TRIM2: variants seen among roughly 807,000 people sequenced by gnomAD.
TRIM2 encodes the protein tripartite motif-containing protein 2.
In TRIM2, 20 loss-of-function variants were observed where a neutral mutation model predicts 75.2. The observed-to-expected ratio is 0.27, with a 90% CI of 0.19 to 0.39. The LOEUF (loss-of-function observed/expected upper bound fraction) is 0.39, where lower values mean the gene tolerates loss of function less well. Ranked by LOEUF, TRIM2 falls within the 10% of genes least tolerant of loss-of-function variation. TRIM2 has a pLI of 1.00. For synonymous variants in TRIM2, 373 were observed against 388.3 expected (o/e 0.96, Z 0.46); for missense variants, 660 against 990.8 (o/e 0.67, Z 4.48).
At chr4:153,229,833 A>G (rs1743139870) in intron 1 of TRIM2, among the ~76,000 whole-genome samples, 2 of 152,260 alleles carry the variant, frequency 1.3e-5, no homozygotes, top group South Asian at 4.1e-4. Context: ...CTAAATCTCG[A>G]TAGAACTAAA....
intron 1 of TRIM2, among the ~76,000 whole-genome samples, chr4:153,234,665 G>C (rs1744541659): frequency 6.6e-6 from 1 of 152,174 alleles, no homozygotes; most frequent in East Asian, 1.9e-4. Context: ...ACTCTGTATG[G>C]CTGTTGAGAG....
intron 1 of TRIM2, among the ~76,000 whole-genome samples, chr4:153,174,446 T>C (rs1731210193): frequency 6.6e-6 from 1 of 152,068 alleles, no homozygotes; most frequent in South Asian, 2.1e-4. Context: ...CCGCTGTTAG[T>C]GTGGGGGCTT....
At chr4:153,314,742 CT>C (rs1767221129) in intron 6 of TRIM2, among the ~76,000 whole-genome samples, 1 of 152,088 alleles carries the variant, frequency 6.6e-6, no homozygotes, top group African/African-American at 2.4e-5. Context: ...GATATTGAAT[CT>C]TTGAAAATAA....
intron 1 of TRIM2, among the ~76,000 whole-genome samples, chr4:153,268,737 C>T (rs571752917): frequency 6.6e-6 from 1 of 152,282 alleles, no homozygotes; most frequent in Admixed American, 6.5e-5. Context: ...TTTTTCCTCT[C>T]TTGTGCTCTC....
At chr4:153,221,948 GAAGGAAGGAAA>G in intron 1 of TRIM2, among the ~76,000 whole-genome samples, 6 of 94,568 alleles carry the variant, frequency 6.3e-5, no homozygotes, top group South Asian at 5.1e-4. Flanking sequence ...AAAGAGTGAG[GAAGGAAGGAAA>G]GAGGGAGGAA....
At chr4:153,238,070 T>C (rs768707491) in intron 1 of TRIM2, among the ~76,000 whole-genome samples, 54 of 152,118 alleles carry the variant, frequency 3.5e-4, no homozygotes, top group Non-Finnish European at 5.6e-4. Flanking sequence ...ACCTCTTACC[T>C]CCAAGAAAAA....
At chr4:153,289,536 T>C (rs928551851) in intron 3 of TRIM2, among the ~76,000 whole-genome samples, 4 of 152,228 alleles carry the variant, frequency 2.6e-5, no homozygotes, top group Non-Finnish European at 5.9e-5. Flanking sequence ...AACTCTGGTC[T>C]TGAGGATTTT....
intron 6 of TRIM2, among the ~76,000 whole-genome samples, chr4:153,308,963 A>G (rs1765638515): frequency 1.3e-5 from 2 of 152,084 alleles, no homozygotes; most frequent in South Asian, 4.1e-4. Context: ...TGAGAATCTC[A>G]TCCTTGGGAA....
At chr4:153,261,634 A>G (rs1302198590) in intron 1 of TRIM2, among the ~76,000 whole-genome samples, 1 of 152,160 alleles carries the variant, frequency 6.6e-6, no homozygotes, top group East Asian at 1.9e-4. Flanking sequence ...TTACCCTACC[A>G]CATTCCCTAC....
At chr4:153,177,644 T>TC (rs61641662) in intron 1 of TRIM2, among the ~76,000 whole-genome samples, 1 of 147,962 alleles carries the variant, frequency 6.8e-6, no homozygotes, top group East Asian at 2.0e-4. Flanking sequence ...AGACTCCTTC[T>TC]CCAAAAAAAA....
chr4:153,161,781 A>C (rs1391675130), intron 1 of TRIM2, among the ~76,000 whole-genome samples: 1 of 152,250 alleles, frequency 6.6e-6, no homozygotes, highest in African/African-American at 2.4e-5. Flanking sequence ...ATTATGTCTA[A>C]GACTCACACA....
At chr4:153,181,740 T>C (rs1022792585) in intron 1 of TRIM2, among the ~76,000 whole-genome samples, 17 of 152,168 alleles carry the variant, frequency 1.1e-4, no homozygotes, top group African/African-American at 4.1e-4. Flanking sequence ...ACACCTGGGC[T>C]GGAGGTGGGC....
In TRIM2 at chr4:153,244,603, A is replaced by G. The variant is rs117003824; in HGVS notation, c.31-25732A>G. ...GATGTACAAAAATTTGATTCTTGGA[A>G]TGGATTTATAAGAAAGCTTTGCATT... On this transcript the variant is annotated intron_variant, in intron 1 of 11. Transcript: ENST00000338700. Among the ~76,000 whole-genome samples, 523 of 151,774 alleles carry G rather than the reference A, an allele frequency of 3.4e-3. 12 individuals are homozygous for G. In the East Asian group the frequency reaches 0.08, roughly 23 times the overall value.
At chr4:153,222,046 A>AAGGAAGGAAAGAGCGAGGG (rs1740623719) in intron 1 of TRIM2, among the ~76,000 whole-genome samples, 1 of 35,170 alleles carries the variant, frequency 2.8e-5, no homozygotes, top group Non-Finnish European at 5.9e-5. Flanking sequence ...AAGAGCGAGG[A>AAGGAAGGAAAGAGCGAGGG]AGGGAGGGAG....
chr4:153,244,354 CCTCTTCT>C (rs1560874279), intron 1 of TRIM2, among the ~76,000 whole-genome samples: 11 of 25,644 alleles, frequency 4.3e-4, no homozygotes, highest in African/African-American at 7.4e-4. Context: ...TCTTCTTCTT[CCTCTTCT>C]TCTTCTTCTT....
rs1417324499 is a variant in TRIM2 at position 153,336,073 on chromosome 4, G to A, written c.*1107G>A. 1 of 985,574 alleles carries A rather than the reference G, an allele frequency of 1.0e-6. No individual in the cohort carries two copies. Among genetic ancestry groups the A allele is most frequent in the Non-Finnish European group, 1.2e-6 (1 of 829,818 alleles). The allele number at this position is 985,574 out of a possible 1,614,324, so 61.1% of individuals were successfully genotyped here. A position where few individuals can be genotyped will look rare whatever the true frequency, so the allele number is the denominator to read the frequency against. On this transcript the variant is annotated 3_prime_UTR_variant, in exon 12 of 12. Transcript: ENST00000338700. The stretch of plus-strand genomic sequence containing the variant: ...TCATTGTTTAATGAATAGTAGAGGT[G>A]TCAAGGGACTATGTATACATGATTA...
intron 6 of TRIM2, chr4:153,307,763 C>G (rs1052673139): frequency 1.5e-6 from 1 of 682,968 alleles, no homozygotes; most frequent in African/African-American, 1.8e-5. Context: ...TGTCGGACTT[C>G]AGCCATCTCC....
chr4:153,175,194 G>A (rs1731294305), intron 1 of TRIM2, among the ~76,000 whole-genome samples: 1 of 151,920 alleles, frequency 6.6e-6, no homozygotes, highest in African/African-American at 2.4e-5. Context: ...TTATTTTTTT[G>A]TATTTTTAGT....
At chr4:153,185,730 A>G (rs889955751) in intron 1 of TRIM2, among the ~76,000 whole-genome samples, 6 of 152,154 alleles carry the variant, frequency 3.9e-5, no homozygotes, top group African/African-American at 1.2e-4. Context: ...ATCTCTGGGG[A>G]GCTTAGGAAG....
Sources: allele counts gnomAD v4.1 joint callset (sites outside exome capture counted in the v4.1 genomes callset), GRCh38; gene constraint gnomAD v4.1.1; transcripts MANE v1.5; gene names NCBI Gene and HGNC (gene_info 2026-07-23, HGNC 2026-07-21).